Variants in REEP5 observed in about 807,000 individuals in gnomAD.
REEP5 encodes receptor expression-enhancing protein 5.
REEP5 carries 24 observed loss-of-function variants against 22.4 expected under a neutral mutation model. The ratio of observed to expected loss-of-function variants is 1.07; its 90% CI spans 0.78 to 1.51. REEP5 has a LOEUF of 1.51. Among genes scored for constraint, REEP5 ranks in the 40% most tolerant of loss-of-function variants. The probability of loss-of-function intolerance (pLI) is 0.00; values close to 1 mark genes in which losing one functional copy is unlikely to be tolerated. For synonymous variants in REEP5, 103 were observed against 88.6 expected (o/e 1.16, Z -0.92); for missense variants, 252 against 233.0 (o/e 1.08, Z -0.53).
chr5:112,880,574 C>G (rs1359938157), intron 4 of REEP5, among the ~76,000 whole-genome samples: 2 of 152,206 alleles, frequency 1.3e-5, no homozygotes, highest in Non-Finnish European at 2.9e-5. Context: ...CTTAACTAAC[C>G]CTTTGTAGAA....
At chr5:112,897,278 T>TA (rs1278645547) in intron 3 of REEP5, 2 of 151,574 alleles carry the variant, frequency 1.3e-5, no homozygotes, top group African/African-American at 4.8e-5. Context: ...TTGCACATTT[T>TA]AAAAAATAGG....
In REEP5 at chr5:112,885,624, C is replaced by T. The variant is rs1356418933; in HGVS notation, c.520+1391G>A. 11 of 286,210 alleles carry T rather than the reference C, an allele frequency of 3.8e-5. No individual in the cohort carries two copies. In the Admixed American group the frequency reaches 4.4e-4, roughly 11 times the overall value. 17.7% of individuals were successfully genotyped at this position (286,210 alleles called of 1,614,324 possible). A position where few individuals can be genotyped will look rare whatever the true frequency, so the allele number is the denominator to read the frequency against. On this transcript the variant is annotated intron_variant, in intron 4 of 4. Coordinates refer to ENST00000379638, the MANE Select transcript of REEP5 (RefSeq NM_005669.5). Reference sequence around the variant, plus strand: ...CACTAGTGTTCTTCAAATGTCCTTCCCCAGGGTCTGCCAGCCTGGAGCAGC... The same window carrying T: ...CACTAGTGTTCTTCAAATGTCCTTCTCCAGGGTCTGCCAGCCTGGAGCAGC...
intron 4 of REEP5, among the ~76,000 whole-genome samples, chr5:112,881,128 CAAAAAAAAA>C (rs58737941): frequency 1.3e-4 from 9 of 67,220 alleles, no homozygotes; most frequent in East Asian, 1.0e-3. Flanking sequence ...GACTCTGTTT[CAAAAAAAAA>C]AAAAAAAAAA....
chr5:112,893,382 C>T (rs1352674489), intron 3 of REEP5: 1 of 198,978 alleles, frequency 5.0e-6, no homozygotes, highest in African/African-American at 2.4e-5. Flanking sequence ...TTCACTCCAG[C>T]CTGGGTGACA....
intron 3 of REEP5, among the ~76,000 whole-genome samples, chr5:112,899,846 T>G (rs1298237621): frequency 6.6e-6 from 1 of 152,236 alleles, no homozygotes; most frequent in Non-Finnish European, 1.5e-5. Flanking sequence ...TTTTGGAATA[T>G]GTACATTATA....
At chr5:112,914,131 G>A (rs1769180415) in intron 2 of REEP5, among the ~76,000 whole-genome samples, 1 of 151,488 alleles carries the variant, frequency 6.6e-6, no homozygotes, top group Non-Finnish European at 1.5e-5. Flanking sequence ...GACAGAGTGA[G>A]ACCCTGTCTC....
In REEP5 at chr5:112,891,890, A is replaced by T. The variant is rs761007217; in HGVS notation, c.352-4707T>A. The T allele has an allele frequency of 2.9e-6, 4 of 1,359,510 alleles. No individual in the cohort carries two copies. In the African/African-American group the frequency reaches 4.3e-5, roughly 15 times the overall value. 84.2% of individuals were successfully genotyped at this position (1,359,510 alleles called of 1,614,324 possible). ...TTACATGAGGAGTGGTTGCTGAGGG[A>T]GCAGAAGGCACAAGAAGAATTCAGA... is the stretch of plus-strand genomic sequence containing the variant. On this transcript the variant is annotated intron_variant, in intron 3 of 4. Coordinates refer to ENST00000379638, the MANE Select transcript of REEP5 (RefSeq NM_005669.5).
intron 4 of REEP5, chr5:112,885,756 T>G: frequency 3.7e-6 from 1 of 270,108 alleles, no homozygotes. Flanking sequence ...TAATTAATTT[T>G]GACTACATAT....
At chr5:112,921,854 G>C (rs1364438302) in intron 1 of REEP5, 1 of 451,838 alleles carries the variant, frequency 2.2e-6, no homozygotes, top group Non-Finnish European at 3.8e-6. Context: ...CGGCGCCGCA[G>C]CTGCCCTCCA....
chr5:112,880,430 G>A (rs1486373007), intron 4 of REEP5, among the ~76,000 whole-genome samples: 1 of 151,980 alleles, frequency 6.6e-6, no homozygotes. Context: ...AGCTGTTCTT[G>A]ATGGAGCCAG....
intron 4 of REEP5, among the ~76,000 whole-genome samples, chr5:112,886,190 C>T (rs540974177): frequency 2.0e-5 from 3 of 152,356 alleles, no homozygotes; most frequent in South Asian, 2.1e-4. Flanking sequence ...TCATTCAAAA[C>T]GTCACAGAGT....
At chr5:112,903,152 T>C (rs968248406) in intron 2 of REEP5, among the ~76,000 whole-genome samples, 1 of 152,228 alleles carries the variant, frequency 6.6e-6, no homozygotes, top group Non-Finnish European at 1.5e-5. Context: ...ACAAAATTCA[T>C]TCTGCAAATG....
intron 2 of REEP5, 54 bp from the exon 3 acceptor site, chr5:112,902,572 T>C (rs1363437637): frequency 1.3e-6 from 2 of 1,484,606 alleles, no homozygotes; most frequent in African/African-American, 2.8e-5. Flanking sequence ...CAATGAAAGA[T>C]TTTCAAATAC....
chr5:112,921,986 G>A, intron 1 of REEP5, 87 bp downstream of exon 1: 2 of 1,459,274 alleles, frequency 1.4e-6, no homozygotes, highest in Non-Finnish European at 1.8e-6. Context: ...CACCTTTCCC[G>A]AGTCCTCTCC....
At chr5:112,893,144 T>A in intron 3 of REEP5, 1 of 766,224 alleles carries the variant, frequency 1.3e-6, no homozygotes, top group Non-Finnish European at 2.0e-6. Context: ...GTATAGTGGC[T>A]CACACCTGTA....
At chr5:112,899,103 G>C (rs1416727665) in intron 3 of REEP5, among the ~76,000 whole-genome samples, 2 of 151,968 alleles carry the variant, frequency 1.3e-5, no homozygotes, top group African/African-American at 2.4e-5. Context: ...TTTCGAGACA[G>C]GGTCTCACTC....
In REEP5 at chr5:112,887,103, G is replaced by T; in HGVS notation, c.432C>A (p.Phe144Leu). The part of the protein sequence containing the change: ...ELLYKRIIRP[F>L]FLKHESQMDS... ...CCATCTGGGACTCGTGCTTCAGGAA[G>T]AAAGGACGGATGATGCGCTTGTAGA... The change falls in exon 4 of 5, where the codon TTC (phenylalanine) becomes TTA (leucine). Residue 144 changes from phenylalanine to leucine, a missense_variant. By Grantham distance (22) the Phe-to-Leu change is conservative (BLOSUM62 0). Coordinates refer to ENST00000379638, the MANE Select transcript of REEP5 (RefSeq NM_005669.5). 1 of 1,613,744 alleles carries T rather than the reference G, an allele frequency of 6.2e-7. No individual in the cohort carries two copies. Among genetic ancestry groups the T allele is most frequent in the South Asian group, 1.1e-5 (1 of 91,058 alleles).
intron 3 of REEP5, among the ~76,000 whole-genome samples, chr5:112,898,608 T>C (rs536642735): frequency 6.6e-6 from 1 of 152,306 alleles, no homozygotes; most frequent in East Asian, 1.9e-4. Flanking sequence ...TCAGAACTAC[T>C]GCAAGTAGTT....
intron 2 of REEP5, among the ~76,000 whole-genome samples, chr5:112,915,954 A>T (rs561837818): frequency 1.6e-4 from 24 of 152,072 alleles, no homozygotes; most frequent in Admixed American, 1.4e-3. Context: ...AACTACAAAT[A>T]CACATCCTCC....
Sources: gnomAD v4.1 joint callset for allele counts (sites outside exome capture counted in the v4.1 genomes callset) on GRCh38, gnomAD v4.1.1 for gene constraint, MANE v1.5 for transcripts, NCBI Gene and HGNC (gene_info 2026-07-23, HGNC 2026-07-21) for gene names.